The following GALNTL6 variants were observed in gnomAD, a reference collection of about 807,000 sequenced individuals.
GALNTL6 encodes polypeptide N-acetylgalactosaminyltransferase like 6, also known as polypeptide N-acetylgalactosaminyltransferase-like 6.
Under a neutral mutation model 73.7 loss-of-function variants are expected in GALNTL6, and 46 were observed. The observed-to-expected ratio is 0.62, with a 90% CI of 0.49 to 0.80. The LOEUF is 0.80. Among genes scored for constraint, GALNTL6 ranks in the 30% least tolerant of loss-of-function variants. The pLI is 0.00. For missense variants in GALNTL6, 604 were observed against 755.0 expected (o/e 0.80, Z 2.34); for synonymous variants, 259 against 263.7 (o/e 0.98, Z 0.17).
chr4:172,928,551 A>G (rs1310641795), intron 8 of GALNTL6, among the ~76,000 whole-genome samples: 2 of 152,218 alleles, frequency 1.3e-5, no homozygotes, highest in Admixed American at 6.5e-5. Context: ...CATCTGCTGC[A>G]GATTTCAACA....
intron 2 of GALNTL6, among the ~76,000 whole-genome samples, chr4:171,968,204 A>C (rs1292782334): frequency 6.6e-6 from 1 of 152,040 alleles, no homozygotes; most frequent in African/African-American, 2.4e-5. Context: ...CATCTGTATT[A>C]GTCTCCTAGA....
chr4:172,881,131 A>T (rs1745431661), intron 7 of GALNTL6, among the ~76,000 whole-genome samples: 1 of 152,196 alleles, frequency 6.6e-6, no homozygotes, highest in African/African-American at 2.4e-5. Flanking sequence ...CTGACTACTT[A>T]TAACCAACAC....
chr4:172,331,626 G>T (rs1256534632), intron 4 of GALNTL6, among the ~76,000 whole-genome samples: 1 of 152,122 alleles, frequency 6.6e-6, no homozygotes, highest in Non-Finnish European at 1.5e-5. Flanking sequence ...GATAAATCAT[G>T]CAGTATTTAT....
chr4:172,231,287 A>G (rs945194295), intron 3 of GALNTL6, among the ~76,000 whole-genome samples: 4 of 152,152 alleles, frequency 2.6e-5, no homozygotes, highest in African/African-American at 9.7e-5. Flanking sequence ...TACCAACTGA[A>G]TCTTCCACAA....
intron 8 of GALNTL6, among the ~76,000 whole-genome samples, chr4:172,914,000 A>G (rs978000326): frequency 1.1e-4 from 17 of 152,342 alleles, no homozygotes; most frequent in African/African-American, 3.8e-4. Flanking sequence ...GAGAAAGGTC[A>G]GGTTACCCAC....
chr4:171,911,574 T>C (rs1416781786), intron 2 of GALNTL6, among the ~76,000 whole-genome samples: 1 of 152,152 alleles, frequency 6.6e-6, no homozygotes, highest in South Asian at 2.1e-4. Context: ...GTTAAGCACA[T>C]AGAGTCTGAT....
At chr4:172,790,018 G>C (rs1739902970) in intron 5 of GALNTL6, among the ~76,000 whole-genome samples, 1 of 152,230 alleles carries the variant, frequency 6.6e-6, no homozygotes, top group Non-Finnish European at 1.5e-5. Flanking sequence ...AAGGAGCTCA[G>C]ATTCTGTGAG....
chr4:172,715,991 T>C (rs1735058510), intron 5 of GALNTL6, among the ~76,000 whole-genome samples: 1 of 152,180 alleles, frequency 6.6e-6, no homozygotes. Flanking sequence ...TCAGATGCTG[T>C]GAATGGTAAT....
intron 10 of GALNTL6, among the ~76,000 whole-genome samples, chr4:172,960,812 G>A (rs145141270): frequency 5.3e-5 from 8 of 152,146 alleles, no homozygotes; most frequent in East Asian, 1.9e-4. Context: ...TTTAGGTCAG[G>A]TATGAGTTGA....
intron 3 of GALNTL6, among the ~76,000 whole-genome samples, chr4:172,262,286 G>C (rs1738283733): frequency 6.6e-6 from 1 of 151,346 alleles, no homozygotes; most frequent in African/African-American, 2.4e-5. Context: ...AGCAGTAATT[G>C]TTTTATAAAT....
chr4:172,288,428 G>A (rs1374023770), intron 3 of GALNTL6, among the ~76,000 whole-genome samples: 1 of 151,920 alleles, frequency 6.6e-6, no homozygotes, highest in East Asian at 1.9e-4. Flanking sequence ...TGACTTCCTG[G>A]CTAAAAGTGA....
At chr4:172,234,740 T>G (rs1167257208) in intron 3 of GALNTL6, among the ~76,000 whole-genome samples, 4 of 152,200 alleles carry the variant, frequency 2.6e-5, no homozygotes, top group Non-Finnish European at 5.9e-5. Flanking sequence ...TATGAATTAA[T>G]ATTGGCCCCA....
chr4:171,962,415 C>T (rs1460607851), intron 2 of GALNTL6, among the ~76,000 whole-genome samples: 1 of 152,102 alleles, frequency 6.6e-6, no homozygotes, highest in Non-Finnish European at 1.5e-5. Flanking sequence ...AAACAGCCAG[C>T]CAAAACCCAG....
At chr4:172,582,880 A>G (rs1203979714) in intron 5 of GALNTL6, among the ~76,000 whole-genome samples, 4 of 152,154 alleles carry the variant, frequency 2.6e-5, no homozygotes, top group Non-Finnish European at 5.9e-5. Flanking sequence ...CTGAACATGC[A>G]TTAAAAAGTC....
chr4:171,944,376 T>C (rs1457939602), intron 2 of GALNTL6, among the ~76,000 whole-genome samples: 2 of 152,076 alleles, frequency 1.3e-5, no homozygotes, highest in Non-Finnish European at 2.9e-5. Context: ...CTAAGTGATC[T>C]ACGCCACAGC....
At chr4:173,023,585 A>G (rs1408110384) in intron 12 of GALNTL6, among the ~76,000 whole-genome samples, 1 of 152,146 alleles carries the variant, frequency 6.6e-6, no homozygotes, top group Non-Finnish European at 1.5e-5. Flanking sequence ...TGATCCTGGG[A>G]GGCAGAAGTT....
intron 3 of GALNTL6, among the ~76,000 whole-genome samples, chr4:172,285,608 A>G (rs1739217880): frequency 6.6e-6 from 1 of 152,220 alleles, no homozygotes; most frequent in South Asian, 2.1e-4. Context: ...CTGCTTTGCT[A>G]AATGACAGGA....
intron 2 of GALNTL6, among the ~76,000 whole-genome samples, chr4:172,214,546 C>CTGTCTGGA (rs1404664661): frequency 1.4e-5 from 2 of 142,612 alleles, no homozygotes; most frequent in Non-Finnish European, 3.0e-5. Flanking sequence ...GACAGAGTCT[C>CTGTCTGGA]CTCTGTCACC....
At chr4:172,447,238 T>G (rs1315408609) in intron 5 of GALNTL6, among the ~76,000 whole-genome samples, 1 of 152,160 alleles carries the variant, frequency 6.6e-6, no homozygotes, top group Non-Finnish European at 1.5e-5. Flanking sequence ...TGTTCTTTCT[T>G]TCCTCCCTGC....
Sources: allele counts gnomAD v4.1 joint callset (sites outside exome capture counted in the v4.1 genomes callset), GRCh38; gene constraint gnomAD v4.1.1; transcripts MANE v1.5; gene names NCBI Gene and HGNC (gene_info 2026-07-23, HGNC 2026-07-21).